The following TIMP2 variants were observed in gnomAD, a reference collection of about 807,000 sequenced individuals.
The protein encoded by TIMP2 is TIMP metallopeptidase inhibitor 2, also known as metalloproteinase inhibitor 2.
TIMP2 carries 5 observed loss-of-function variants against 24.3 expected under a neutral mutation model. That is an observed-to-expected ratio of 0.21 (90% CI 0.11 to 0.43). The LOEUF (loss-of-function observed/expected upper bound fraction) is 0.43, where lower values mean the gene tolerates loss of function less well. TIMP2 is among the 20% of genes least tolerant of loss of function. TIMP2 has a pLI of 1.00. For missense variants in TIMP2, 221 were observed against 297.5 expected, an observed-to-expected ratio of 0.74 and a Z score of 1.89; for synonymous variants, 130 against 123.2, an observed-to-expected ratio of 1.06 and a Z score of -0.37.
intron 3 of TIMP2, among the ~76,000 whole-genome samples, chr17:78,864,728 A>G (rs1031216224): frequency 2.4e-4 from 36 of 152,292 alleles, no homozygotes; most frequent in Middle Eastern, 3.4e-3. Flanking sequence ...CATATTTTGG[A>G]AACTTTAAAA....
intron 1 of TIMP2, among the ~76,000 whole-genome samples, chr17:78,878,617 A>T (rs1340636677): frequency 2.0e-5 from 3 of 152,068 alleles, no homozygotes; most frequent in African/African-American, 4.8e-5. Context: ...CCTTCTTTAA[A>T]GTGTCAGAAA....
In TIMP2 at chr17:78,891,801, C is replaced by T. The variant is rs1326103446; in HGVS notation, c.131-17882G>A. On this transcript the variant is annotated intron_variant, in intron 1 of 4. Coordinates refer to ENST00000262768, the MANE Select transcript of TIMP2 (RefSeq NM_003255.5). The surrounding 1 kb of genome is among the most constrained non-coding windows in gnomAD (Gnocchi z 4.5). ...CGAGGATGGATGGCACAGCGGCCAC[C>T]CCCAGACTTGGTCGAAGGTTCTGGC... The T allele has an allele frequency of 1.3e-6, 2 of 1,550,930 alleles. No individual in the cohort carries two copies. The highest frequency in any genetic ancestry group is 2.7e-5 in the African/African-American group (2 of 73,060).
intron 1 of TIMP2, chr17:78,904,097 G>GTGTGTGTGTGTGTGTGTGTGTGTGTC (rs2070134537): frequency 7.7e-6 from 1 of 129,848 alleles, no homozygotes; most frequent in African/African-American, 2.8e-5. Context: ...ATTTATGTGT[G>GTGTGTGTGTGTGTGTGTGTGTGTGTC]TGTGTGTGTG....
intron 3 of TIMP2, among the ~76,000 whole-genome samples, chr17:78,858,292 A>G (rs986654538): frequency 1.4e-4 from 21 of 151,544 alleles, no homozygotes; most frequent in African/African-American, 4.9e-4. Context: ...AAATACAAAA[A>G]ATTAGCCAGG....
Position 78,893,235 on chromosome 17 carries a change from A to G in TIMP2, c.131-19316T>C, listed in dbSNP as rs201163818. On this transcript the variant is annotated intron_variant, in intron 1 of 4. Coordinates refer to ENST00000262768, the MANE Select transcript of TIMP2 (RefSeq NM_003255.5). Reference sequence around the variant, plus strand: ...CATGTGTGTGCAGGGGTGTGTGTGCATGTGTGTGTAGGAGTGTGTGTGCAG... The same window carrying G: ...CATGTGTGTGCAGGGGTGTGTGTGCGTGTGTGTGTAGGAGTGTGTGTGCAG... 1.2e-3 allele frequency among the ~76,000 whole-genome samples: 103 copies of G among 88,116 alleles called. 1 individual carries two copies. In the East Asian group the frequency reaches 0.014, roughly 12 times the overall value. 57.8% of individuals were successfully genotyped at this position (88,116 alleles called of 152,430 possible).
At chr17:78,857,351 G>A in intron 4 of TIMP2, 171 bp downstream of exon 4, 2 of 874,630 alleles carry the variant, frequency 2.3e-6, no homozygotes, top group Non-Finnish European at 3.5e-6. Flanking sequence ...CAAAGGCTCT[G>A]TCCCCAGCCA....
intron 1 of TIMP2, among the ~76,000 whole-genome samples, chr17:78,885,024 C>T (rs1025435654): frequency 6.6e-6 from 1 of 152,200 alleles, no homozygotes; most frequent in Non-Finnish European, 1.5e-5. Flanking sequence ...ACAGGTAGCA[C>T]CTGCCAGACC....
intron 1 of TIMP2, among the ~76,000 whole-genome samples, chr17:78,889,902 G>A (rs929906543): frequency 8.5e-5 from 13 of 152,172 alleles, no homozygotes; most frequent in East Asian, 3.8e-4. Flanking sequence ...GGCGGATCAC[G>A]AGATCAGGAG....
intron 1 of TIMP2, chr17:78,903,014 TC>T (rs1176953439): frequency 3.3e-5 from 5 of 152,344 alleles, no homozygotes; most frequent in African/African-American, 1.2e-4. Flanking sequence ...TGGCCCACTC[TC>T]CGGGGCCCTC....
chr17:78,881,243 C>T (rs1032479165), intron 1 of TIMP2, among the ~76,000 whole-genome samples: 8 of 152,252 alleles, frequency 5.3e-5, no homozygotes, highest in African/African-American at 1.7e-4. Context: ...TGGGGAGGGG[C>T]GCCCATAGGA....
rs945267506 is a variant in TIMP2 at position 78,896,728 on chromosome 17, G to A, written c.131-22809C>T. 6.6e-6 allele frequency among the ~76,000 whole-genome samples: 1 copy of A among 152,170 alleles called. No homozygotes were observed. The highest frequency in any genetic ancestry group is 2.4e-5 in the African/African-American group (1 of 41,444). Reference sequence around the variant, plus strand: ...AGAAGCCGCGCTCGGAGCAGCAGAAGGAAGGCGAGTGGACACCAATCTGGC... The same window carrying A: ...AGAAGCCGCGCTCGGAGCAGCAGAAAGAAGGCGAGTGGACACCAATCTGGC... On this transcript the variant is annotated intron_variant, in intron 1 of 4. Coordinates refer to ENST00000262768, the MANE Select transcript of TIMP2 (RefSeq NM_003255.5). This position sits in a 1 kb window ranked among gnomAD's most constrained non-coding sequence, Gnocchi z 4.4.
chr17:78,906,617 C>G (rs978435456), intron 1 of TIMP2, among the ~76,000 whole-genome samples: 2 of 152,020 alleles, frequency 1.3e-5, no homozygotes, highest in Non-Finnish European at 2.9e-5. Flanking sequence ...GAGTCTCGCT[C>G]TGTTGCCCAG....
At chr17:78,906,685 C>T (rs554666814) in intron 1 of TIMP2, among the ~76,000 whole-genome samples, 5 of 151,984 alleles carry the variant, frequency 3.3e-5, no homozygotes, top group South Asian at 2.1e-4. Flanking sequence ...CGGGTTCACG[C>T]GATTCTTGTG....
At chr17:78,890,617 C>A in intron 1 of TIMP2, 1 of 1,544,506 alleles carries the variant, frequency 6.5e-7, no homozygotes, top group Non-Finnish European at 8.7e-7. Flanking sequence ...GATGTATTTA[C>A]CCCGGGTGGG....
intron 1 of TIMP2, among the ~76,000 whole-genome samples, chr17:78,876,153 T>C (rs1274544121): frequency 6.6e-6 from 1 of 152,026 alleles, no homozygotes. Flanking sequence ...TTCACGTTCG[T>C]TTCTGCTCAA....
intron 3 of TIMP2, among the ~76,000 whole-genome samples, chr17:78,861,084 T>C (rs1342685001): frequency 1.3e-5 from 2 of 151,280 alleles, no homozygotes; most frequent in Non-Finnish European, 2.9e-5. Context: ...CCACTAGACC[T>C]ATAGCTATTT....
chr17:78,871,965 C>T (rs1027307585), intron 2 of TIMP2, among the ~76,000 whole-genome samples: 1 of 152,000 alleles, frequency 6.6e-6, no homozygotes, highest in Non-Finnish European at 1.5e-5. Flanking sequence ...TGTACCTCCA[C>T]GTGACTCTGG....
rs2069508799 is a variant in TIMP2, at chr17:78,854,589, T to C, written c.*1078A>G. On this transcript the variant is annotated 3_prime_UTR_variant, in exon 5 of 5. Transcript: ENST00000262768. ...TCCCTTCCTAGGCTGGACTTCTTAC[T>C]ATGCTTAGCTGGCGTCACATGCAGA... 1 of 152,120 alleles carries C rather than the reference T, an allele frequency of 6.6e-6. No homozygotes were observed. Among genetic ancestry groups the C allele is most frequent in the Non-Finnish European group, 1.5e-5 (1 of 68,048 alleles). 9.4% of individuals were successfully genotyped at this position (152,120 alleles called of 1,614,324 possible). A position where few individuals can be genotyped will look rare whatever the true frequency, so the allele number is the denominator to read the frequency against.
rs9905232 is a variant in TIMP2, at chr17:78,854,927, G to C, written c.*740C>G. ...AAGCTGGGGAGCATGTGGGCGGGGG[G>C]GGGGGGGTGGGGGGGTGGGTGCAGA... On this transcript the variant is annotated 3_prime_UTR_variant, in exon 5 of 5. Coordinates refer to ENST00000262768, the MANE Select transcript of TIMP2 (RefSeq NM_003255.5). The C allele has an allele frequency of 3.1e-5, 4 of 128,026 alleles. No homozygotes were observed. The highest frequency in any genetic ancestry group is 6.8e-5 in the Non-Finnish European group (4 of 58,828). The allele number at this position is 128,026 out of a possible 1,614,324, so 7.9% of individuals were successfully genotyped here.
Sources: gnomAD v4.1 joint callset for allele counts (sites outside exome capture counted in the v4.1 genomes callset) on GRCh38, gnomAD v4.1.1 for gene constraint, Gnocchi (gnomAD v3.1) non-coding constraint, MANE v1.5 for transcripts, NCBI Gene and HGNC (gene_info 2026-07-23, HGNC 2026-07-21) for gene names.